The following EXOC4 variants were observed in gnomAD, a reference collection of about 807,000 sequenced individuals.
The protein encoded by EXOC4 is exocyst complex component 4.
In EXOC4, 71 loss-of-function variants were observed where a neutral mutation model predicts 107.2. That is an observed-to-expected ratio of 0.66 (90% CI 0.55 to 0.81). The LOEUF is 0.81. Ranked by LOEUF, EXOC4 falls within the 30% of genes least tolerant of loss-of-function variation. The probability of loss-of-function intolerance (pLI) is 0.00; values close to 1 mark genes in which losing one functional copy is unlikely to be tolerated. For synonymous variants in EXOC4, 456 were observed against 441.2 expected (o/e 1.03, Z -0.42); for missense variants, 1,108 against 1,189.6 (o/e 0.93, Z 1.01).
chr7:133,362,506 T>C (rs1211950842), intron 6 of EXOC4, among the ~76,000 whole-genome samples: 1 of 152,240 alleles, frequency 6.6e-6, no homozygotes. Context: ...TTCCTCCTGG[T>C]TTCTCAGTCT....
downstream of EXOC4, among the ~76,000 whole-genome samples, chr7:134,068,521 CT>C (rs398111912): frequency 0.071 from 907 of 12,704 alleles, 5 homozygotes; most frequent in Non-Finnish European, 0.078. Context: ...TCCATTAAAC[CT>C]CTTTTTCATT....
chr7:133,704,429 A>G (rs1320861719), intron 10 of EXOC4, among the ~76,000 whole-genome samples: 1 of 152,208 alleles, frequency 6.6e-6, no homozygotes, highest in African/African-American at 2.4e-5. Context: ...CAGTTTCTCC[A>G]ACAGCCTGAC....
intron 10 of EXOC4, among the ~76,000 whole-genome samples, chr7:133,796,006 G>A (rs899269096): frequency 6.6e-6 from 1 of 152,152 alleles, no homozygotes; most frequent in African/African-American, 2.4e-5. Context: ...TAAGGAAGAT[G>A]TATGATGATG....
intron 15 of EXOC4, 129 bp from the exon 16 acceptor site, chr7:134,004,783 T>A: frequency 1.4e-6 from 1 of 716,166 alleles, no homozygotes; most frequent in Non-Finnish European, 2.3e-6. Flanking sequence ...CAGTAAGTGT[T>A]GGCTATCATG....
intron 9 of EXOC4, among the ~76,000 whole-genome samples, chr7:133,541,049 A>C (rs1206864894): frequency 6.6e-6 from 1 of 152,150 alleles, no homozygotes; most frequent in Non-Finnish European, 1.5e-5. Flanking sequence ...CTGAATATTT[A>C]TGTCTACATG....
At chr7:133,855,250 T>G (rs750687023) in intron 11 of EXOC4, among the ~76,000 whole-genome samples, 10 of 149,826 alleles carry the variant, frequency 6.7e-5, no homozygotes, top group Admixed American at 2.0e-4. Context: ...TCTGCTGCTT[T>G]ATACTCTCTC....
At chr7:134,090,504 TCAGAACTTTA>T in the EXOC4 span, among the ~76,000 whole-genome samples, 15 of 152,296 alleles carry the variant, frequency 9.8e-5, no homozygotes, top group East Asian at 2.9e-3. Flanking sequence ...TTTCCATTAA[TCAGAACTTTA>T]CAGAGGAGAT....
At chr7:133,687,471 C>T (rs1246462714) in intron 10 of EXOC4, among the ~76,000 whole-genome samples, 1 of 152,010 alleles carries the variant, frequency 6.6e-6, no homozygotes, top group Non-Finnish European at 1.5e-5. Context: ...ATCACTAAAT[C>T]CAGACAATAA....
chr7:133,661,505 A>G (rs537508997), intron 10 of EXOC4, among the ~76,000 whole-genome samples: 3 of 152,044 alleles, frequency 2.0e-5, no homozygotes, highest in Non-Finnish European at 4.4e-5. Flanking sequence ...GGCCCTATGG[A>G]TATATCATAT....
chr7:133,576,612 A>T (rs1801134844), intron 9 of EXOC4: 3 of 1,289,798 alleles, frequency 2.3e-6, no homozygotes, highest in Non-Finnish European at 3.0e-6. Context: ...GGGGGTAGAG[A>T]TAACCACCTA....
intron 17 of EXOC4, among the ~76,000 whole-genome samples, chr7:134,023,165 C>A (rs182249600): frequency 6.6e-6 from 1 of 152,036 alleles, no homozygotes; most frequent in African/African-American, 2.4e-5. Flanking sequence ...GATGTTTGCC[C>A]GAGTCTAGAA....
intron 13 of EXOC4, among the ~76,000 whole-genome samples, chr7:133,934,668 T>A (rs1800257212): frequency 6.6e-6 from 1 of 152,154 alleles, no homozygotes; most frequent in African/African-American, 2.4e-5. Flanking sequence ...AGCCTGGTTT[T>A]CAAAGCCATT....
intron 12 of EXOC4, among the ~76,000 whole-genome samples, chr7:133,904,714 T>C (rs746040856): frequency 2.6e-5 from 4 of 152,202 alleles, no homozygotes; most frequent in East Asian, 1.9e-4. Context: ...AGGGAATAAA[T>C]AGAAAATCAT....
intron 10 of EXOC4, among the ~76,000 whole-genome samples, chr7:133,709,645 C>CT (rs147956984): frequency 1.0e-4 from 12 of 118,144 alleles, no homozygotes; most frequent in African/African-American, 2.9e-4. Context: ...AATCTGTTTT[C>CT]TTTTTTTTTT....
the EXOC4 span, among the ~76,000 whole-genome samples, chr7:134,077,822 G>T: frequency 6.6e-6 from 1 of 152,228 alleles, no homozygotes; most frequent in African/African-American, 2.4e-5. Context: ...TGTAGTTCAG[G>T]CCTACTCAGG....
intron 3 of EXOC4, among the ~76,000 whole-genome samples, chr7:133,294,752 A>G (rs1279307642): frequency 6.6e-6 from 1 of 152,136 alleles, no homozygotes; most frequent in Non-Finnish European, 1.5e-5. Flanking sequence ...TTAATTGAAT[A>G]GTTTTCTAAG....
the EXOC4 span, among the ~76,000 whole-genome samples, chr7:134,091,144 A>T: frequency 2.0e-5 from 3 of 152,226 alleles, no homozygotes; most frequent in East Asian, 5.8e-4. Context: ...GGCAAGAAAA[A>T]ATTCAGGGAG....
intron 10 of EXOC4, among the ~76,000 whole-genome samples, chr7:133,631,180 T>C (rs893198511): frequency 6.6e-6 from 1 of 152,162 alleles, no homozygotes; most frequent in African/African-American, 2.4e-5. Flanking sequence ...CATTTTCGCA[T>C]AATAGAGCAG....
At chr7:134,044,399 C>G (rs1795595462) in intron 17 of EXOC4, among the ~76,000 whole-genome samples, 1 of 152,302 alleles carries the variant, frequency 6.6e-6, no homozygotes, top group Admixed American at 6.5e-5. Context: ...GTCCTGCCTA[C>G]CACCGTCTTC....
Sources: allele counts gnomAD v4.1 joint callset (sites outside exome capture counted in the v4.1 genomes callset), GRCh38; gene constraint gnomAD v4.1.1; transcripts MANE v1.5; gene names NCBI Gene and HGNC (gene_info 2026-07-23, HGNC 2026-07-21).